Variants in WRN observed in about 807,000 individuals in gnomAD.
WRN encodes bifunctional 3'-5' exonuclease/ATP-dependent helicase WRN.
WRN carries 149 observed loss-of-function variants against 180.7 expected under a neutral mutation model. The ratio of observed to expected loss-of-function variants is 0.82; its 90% CI spans 0.72 to 0.94. The LOEUF is 0.94. Ranked by LOEUF, WRN falls within the 40% of genes least tolerant of loss-of-function variation. The probability of loss-of-function intolerance (pLI) is 0.00; values close to 1 mark genes in which losing one functional copy is unlikely to be tolerated. For synonymous variants in WRN, 548 were observed against 568.9 expected (o/e 0.96, Z 0.52); for missense variants, 1,661 against 1,700.1 (o/e 0.98, Z 0.40).
At chr8:31,077,251 C>CT (rs1296265714) in intron 8 of WRN, among the ~76,000 whole-genome samples, 2 of 151,668 alleles carry the variant, frequency 1.3e-5, no homozygotes, top group Non-Finnish European at 2.9e-5. Context: ...ATGTAACTTT[C>CT]TTTTTTTTGA....
At chr8:31,093,843 G>A (rs1387945550) in intron 16 of WRN, among the ~76,000 whole-genome samples, 1 of 152,130 alleles carries the variant, frequency 6.6e-6, no homozygotes, top group African/African-American at 2.4e-5. Flanking sequence ...TATACATGGA[G>A]TCATTCATAT....
rs1563338919 is a variant in WRN at position 31,081,177 on chromosome 8, A to G, written c.1150A>G (p.Lys384Glu). ...FEDGVEDNKL[K>E]ENMERACLMS... is the part of the protein sequence containing the mutation. ...AGATGGAGTAGAAGACAACAAATTG[A>G]AAGAGAATATGGAAAGAGCTTGTTT... is the stretch of plus-strand genomic sequence containing the variant. Residue 384 changes from lysine (K) to glutamate (E), a missense_variant, in exon 9 of 35, where the codon AAA (lysine) becomes GAA (glutamate). Physicochemically the swap from Lys to Glu is moderately conservative, Grantham distance 56. Transcript: ENST00000298139. 3 of 1,614,108 alleles carry G rather than the reference A, an allele frequency of 1.9e-6. No homozygotes were observed. Among genetic ancestry groups the G allele is most frequent in the Middle Eastern group, 1.7e-4 (1 of 6,060 alleles).
Position 31,174,882 on chromosome 8 carries a change from TTCTCTC to T in WRN, c.*1792_*1797del, listed in dbSNP as rs368098518. Among the ~76,000 whole-genome samples, 6 of 134,896 alleles carry T rather than the reference TTCTCTC, an allele frequency of 4.4e-5. No individual in the cohort carries two copies. Among genetic ancestry groups the T allele is most frequent in the African/African-American group, 8.6e-5 (3 of 34,838 alleles). The allele number at this position is 134,896 out of a possible 152,430, so 88.5% of individuals were successfully genotyped here. A position where few individuals can be genotyped will look rare whatever the true frequency, so the allele number is the denominator to read the frequency against. On this transcript the variant is annotated 3_prime_UTR_variant, in exon 35 of 35. Transcript: ENST00000298139. The stretch of plus-strand genomic sequence containing the variant: ...TTTTTCTTTCTCTTTCTTTCTTTCT[TTCTCTC>T]TCTCTCTCTCTTTCTTTCTTTTTCT...
intron 31 of WRN, among the ~76,000 whole-genome samples, chr8:31,153,902 TTCA>T (rs1803252817): frequency 6.6e-6 from 1 of 152,142 alleles, no homozygotes; most frequent in South Asian, 2.1e-4. Context: ...ACCAATATCA[TTCA>T]TCAAGAGACG....
intron 20 of WRN, among the ~76,000 whole-genome samples, chr8:31,116,786 T>G (rs1341785048): frequency 6.6e-6 from 1 of 152,064 alleles, no homozygotes; most frequent in Non-Finnish European, 1.5e-5. Flanking sequence ...AAAATTCAAT[T>G]AGAGTCCAAA....
chr8:31,157,550 T>C lies in WRN; in HGVS notation c.3982+20T>C. The C allele has an allele frequency of 6.2e-7, 1 of 1,613,788 alleles. No homozygotes were observed. Among genetic ancestry groups the C allele is most frequent in the Non-Finnish European group, 8.5e-7 (1 of 1,179,900 alleles). On this transcript the variant is annotated intron_variant, in intron 33 of 34. Coordinates refer to ENST00000298139, the MANE Select transcript of WRN (RefSeq NM_000553.6). ...ACTCAGGTGAGAGGCATGGCCTAGC[T>C]CTGCACCCTTAATGACTTGATGAAG...
At position 31,124,607 on chromosome 8, in the gene WRN, A is replaced by G. The variant is rs751795043; in HGVS notation, c.2716A>G (p.Ser906Gly). The G allele has an allele frequency of 5.2e-5, 83 of 1,610,722 alleles. No homozygotes were observed. Among genetic ancestry groups the G allele is most frequent in the Admixed American group, 1.3e-4 (8 of 59,944 alleles). The change falls in exon 22 of 35, where the codon AGC (serine) becomes GGC (glycine). Residue 906 changes from serine to glycine, a missense_variant. Transcript: ENST00000298139. ...MAKMEKYLHS[S>G]RCRRQIILSH... ...AAAGATGGAAAAATATCTTCATTCT[A>G]GCAGATGTAGGAGACAGTATGTATT...
chr8:31,080,533 T>G (rs1298760049), intron 8 of WRN, among the ~76,000 whole-genome samples: 1 of 152,060 alleles, frequency 6.6e-6, no homozygotes, highest in Admixed American at 6.6e-5. Flanking sequence ...GGTTTTTTTT[T>G]TTTTGGTGGT....
At chr8:31,056,393 A>G (rs953784344) in intron 1 of WRN, among the ~76,000 whole-genome samples, 1 of 152,216 alleles carries the variant, frequency 6.6e-6, no homozygotes, top group Non-Finnish European at 1.5e-5. Flanking sequence ...GTGACAAAAT[A>G]TACACTTATT....
Position 31,124,455 on chromosome 8 carries a change from G to T in WRN, c.2631-67G>T, listed in dbSNP as rs3087417. ...ATGAAAAATAAACAGTAAAAAATAA[G>T]TAAAAAAAAAAGTAAGAAAGTTGCC... On this transcript the variant is annotated intron_variant, in intron 21 of 34. Coordinates refer to ENST00000298139, the MANE Select transcript of WRN (RefSeq NM_000553.6). 0.52 allele frequency: 616,884 copies of T among 1,183,530 alleles called. 161,538 individuals are homozygous for T. The highest frequency in any genetic ancestry group is 0.65 in the South Asian group (46,954 of 72,602). 73.3% of individuals were successfully genotyped at this position (1,183,530 alleles called of 1,614,324 possible). A position where few individuals can be genotyped will look rare whatever the true frequency, so the allele number is the denominator to read the frequency against.
At chr8:31,100,052 A>G (rs1158776396) in intron 17 of WRN, among the ~76,000 whole-genome samples, 2 of 152,178 alleles carry the variant, frequency 1.3e-5, no homozygotes, top group East Asian at 3.9e-4. Flanking sequence ...AGTATCAAAG[A>G]ATGATGATAC....
intron 3 of WRN, among the ~76,000 whole-genome samples, chr8:31,060,905 C>T (rs146635981): frequency 2.1e-4 from 32 of 152,318 alleles, no homozygotes; most frequent in African/African-American, 6.3e-4. Context: ...TTTGCTACCA[C>T]AGGTTTCCAA....
intron 8 of WRN, among the ~76,000 whole-genome samples, chr8:31,078,518 A>G (rs1425632563): frequency 6.6e-6 from 1 of 152,202 alleles, no homozygotes; most frequent in Non-Finnish European, 1.5e-5. Context: ...TATTCACATG[A>G]CAGTAGGTGG....
At chr8:31,124,682 C>T (rs1801852247) in intron 22 of WRN, 59 bp downstream of exon 22, 2 of 1,475,572 alleles carry the variant, frequency 1.4e-6, no homozygotes, top group African/African-American at 2.8e-5. Flanking sequence ...TCTTTTAAGA[C>T]AACAATTTGG....
At chr8:31,102,610 G>A (rs1411891153) in intron 18 of WRN, among the ~76,000 whole-genome samples, 3 of 152,134 alleles carry the variant, frequency 2.0e-5, no homozygotes, top group African/African-American at 7.2e-5. Context: ...ATGTAGAAAA[G>A]ACACAGTAAA....
At chr8:31,038,000 A>G (rs1433200050) in intron 1 of WRN, among the ~76,000 whole-genome samples, 1 of 152,022 alleles carries the variant, frequency 6.6e-6, no homozygotes, top group Non-Finnish European at 1.5e-5. Context: ...TCATATGTTG[A>G]TGGACACTTA....
At chr8:31,088,383 A>G (rs950275314) in intron 12 of WRN, among the ~76,000 whole-genome samples, 1 of 152,182 alleles carries the variant, frequency 6.6e-6, no homozygotes, top group African/African-American at 2.4e-5. Context: ...GATGTGGGTA[A>G]CTAACTTTTC....
At chr8:31,169,210 T>G (rs1431860189) in intron 34 of WRN, among the ~76,000 whole-genome samples, 1 of 151,788 alleles carries the variant, frequency 6.6e-6, no homozygotes, top group East Asian at 1.9e-4. Context: ...TTTAAATTTT[T>G]TTCTTCCTTT....
chr8:31,130,028 A>AAC (rs1209960373), intron 23 of WRN, among the ~76,000 whole-genome samples: 15 of 148,852 alleles, frequency 1.0e-4, no homozygotes, highest in African/African-American at 3.7e-4. Flanking sequence ...AACAAAACAA[A>AAC]AAAAAAAACT....
Sources: allele counts gnomAD v4.1 joint callset (sites outside exome capture counted in the v4.1 genomes callset), GRCh38; gene constraint gnomAD v4.1.1; transcripts MANE v1.5; gene names NCBI Gene and HGNC (gene_info 2026-07-23, HGNC 2026-07-21).